The following NEK11 variants were observed in gnomAD, a reference collection of about 807,000 sequenced individuals.
The protein encoded by NEK11 is serine/threonine-protein kinase Nek11.
Under a neutral mutation model 80.7 loss-of-function variants are expected in NEK11, and 72 were observed. That is an observed-to-expected ratio of 0.89 (90% CI 0.74 to 1.08). The LOEUF is 1.08. Ranked by LOEUF, NEK11 falls within the 50% of genes least tolerant of loss-of-function variation. The pLI, the probability that NEK11 is intolerant of heterozygous loss-of-function variation, is 0.00. For synonymous variants in NEK11, 251 were observed against 260.7 expected (o/e 0.96, Z 0.36); for missense variants, 764 against 763.6 (o/e 1.00, Z -0.01).
chr3:131,293,491 A>T (rs1397789596), intron 17 of NEK11, among the ~76,000 whole-genome samples: 1 of 152,102 alleles, frequency 6.6e-6, no homozygotes, highest in Non-Finnish European at 1.5e-5. Flanking sequence ...TTTTATTTGC[A>T]AATATTTTGT....
chr3:131,071,011 G>A lies in NEK11; in HGVS notation c.171-9412G>A, dbSNP rs118190343. The stretch of plus-strand genomic sequence containing the variant: ...ACTGGAAAAGAAGCTGAATATGGGG[G>A]GAACACATTAAGAAAATTTGGTAGC... On this transcript the variant is annotated intron_variant, in intron 3 of 17. Coordinates refer to ENST00000383366, the MANE Select transcript of NEK11 (RefSeq NM_024800.5). Among the ~76,000 whole-genome samples the A allele has an allele frequency of 2.1e-3, 313 of 152,256 alleles. 5 individuals are homozygous for A. Among genetic ancestry groups the A allele is most frequent in the Admixed American group, 0.017 (264 of 15,282 alleles).
chr3:131,322,371 C>A (rs2109767012), intron 17 of NEK11, among the ~76,000 whole-genome samples: 1 of 152,164 alleles, frequency 6.6e-6, no homozygotes, highest in Middle Eastern at 3.4e-3. Context: ...CCATTCATAT[C>A]CCAAACCTCA....
intron 3 of NEK11, among the ~76,000 whole-genome samples, chr3:131,046,178 C>G (rs1314124749): frequency 4.6e-5 from 7 of 151,916 alleles, no homozygotes; most frequent in Non-Finnish European, 1.0e-4. Flanking sequence ...TTTATTTTTT[C>G]ATTGTTTTTG....
intron 17 of NEK11, among the ~76,000 whole-genome samples, chr3:131,344,067 A>G (rs1269854016): frequency 6.6e-6 from 1 of 152,196 alleles, no homozygotes; most frequent in Non-Finnish European, 1.5e-5. Flanking sequence ...CAAATTTTCC[A>G]AACTTTTATG....
chr3:131,309,137 G>A (rs768024600), intron 17 of NEK11, among the ~76,000 whole-genome samples: 3 of 152,162 alleles, frequency 2.0e-5, no homozygotes, highest in African/African-American at 4.8e-5. Flanking sequence ...CTGCTCGAAC[G>A]CACTAGGTGA....
intron 3 of NEK11, chr3:131,053,881 T>G (rs2068859328): frequency 6.6e-6 from 1 of 152,212 alleles, no homozygotes; most frequent in Admixed American, 6.5e-5. Context: ...CATACCAAAA[T>G]TCAATACAAT....
At chr3:131,316,582 C>G (rs936766057) in intron 17 of NEK11, among the ~76,000 whole-genome samples, 1 of 152,198 alleles carries the variant, frequency 6.6e-6, no homozygotes, top group Non-Finnish European at 1.5e-5. Flanking sequence ...AGGCTCCAAG[C>G]CTGAGCTCCT....
At chr3:131,345,654 C>A (rs1179691999) in intron 17 of NEK11, among the ~76,000 whole-genome samples, 2 of 152,148 alleles carry the variant, frequency 1.3e-5, no homozygotes, top group Non-Finnish European at 2.9e-5. Flanking sequence ...AGTATAACTA[C>A]CAATGACCCA....
intron 5 of NEK11, among the ~76,000 whole-genome samples, chr3:131,115,791 TG>T (rs1469746560): frequency 6.6e-6 from 1 of 152,140 alleles, no homozygotes; most frequent in Non-Finnish European, 1.5e-5. Flanking sequence ...AGAACAGGGC[TG>T]GGCACTTACT....
intron 7 of NEK11, among the ~76,000 whole-genome samples, chr3:131,148,567 T>G (rs192223745): frequency 1.6e-3 from 236 of 152,094 alleles, no homozygotes; most frequent in Middle Eastern, 3.4e-3. Context: ...GTTGTTGTGC[T>G]GAAAATACAT....
At chr3:131,348,112 T>C (rs1023511171) in intron 17 of NEK11, among the ~76,000 whole-genome samples, 2 of 152,150 alleles carry the variant, frequency 1.3e-5, no homozygotes. Flanking sequence ...CAGAGAAAAG[T>C]GCAGAAACCA....
At chr3:131,031,725 C>G (rs1402739815) in intron 3 of NEK11, among the ~76,000 whole-genome samples, 2 of 151,986 alleles carry the variant, frequency 1.3e-5, no homozygotes, top group South Asian at 4.2e-4. Flanking sequence ...TTTCTTGTAC[C>G]TGAACCAATC....
In NEK11 at chr3:131,274,948, C is replaced by G. The variant is rs530082655; in HGVS notation, c.1718+1374C>G. On this transcript the variant is annotated intron_variant, in intron 17 of 17. Transcript: ENST00000383366. ...GATTACAGGCGTGAGCCACCGCGCCCGGCCGTTTCCTGACTTTTTAATGAT... is the reference window on the plus strand; with the variant it reads ...GATTACAGGCGTGAGCCACCGCGCCGGGCCGTTTCCTGACTTTTTAATGAT... Among the ~76,000 whole-genome samples, 365 of 151,688 alleles carry G rather than the reference C, an allele frequency of 2.4e-3. 2 individuals carry two copies. Among genetic ancestry groups the G allele is most frequent in the African/African-American group, 8.3e-3 (346 of 41,482 alleles).
intron 4 of NEK11, among the ~76,000 whole-genome samples, chr3:131,097,585 TG>T (rs2149227078): frequency 6.6e-6 from 1 of 152,320 alleles, no homozygotes; most frequent in Non-Finnish European, 1.5e-5. Flanking sequence ...TGGGGTTGTT[TG>T]TTTTTTTCTT....
At chr3:131,343,320 A>G (rs1373074870) in intron 17 of NEK11, among the ~76,000 whole-genome samples, 1 of 152,202 alleles carries the variant, frequency 6.6e-6, no homozygotes, top group African/African-American at 2.4e-5. Context: ...CAGAGCACTC[A>G]GGTAGAGTTT....
rs575349498 is a variant in NEK11, at chr3:131,118,413, A to G, written c.455+8492A>G. On this transcript the variant is annotated intron_variant, in intron 5 of 17. Transcript: ENST00000383366. Reference sequence around the variant, plus strand: ...GAGGATTTTTGCATCGATGTTCCTCAGGGATATTGGTCTAAAATTCTCTTT... The same window carrying G: ...GAGGATTTTTGCATCGATGTTCCTCGGGGATATTGGTCTAAAATTCTCTTT... Among the ~76,000 whole-genome samples the G allele has an allele frequency of 1.6e-4, 25 of 152,300 alleles. No individual in the cohort carries two copies. In the East Asian group the frequency reaches 3.7e-3, roughly 22 times the overall value.
intron 14 of NEK11, among the ~76,000 whole-genome samples, chr3:131,223,067 C>G (rs145585018): frequency 6.6e-6 from 1 of 152,282 alleles, no homozygotes; most frequent in African/African-American, 2.4e-5. Flanking sequence ...TGGAATGCCA[C>G]TCCAGTATAC....
chr3:131,118,810 G>T (rs2081799558), intron 5 of NEK11, among the ~76,000 whole-genome samples: 1 of 152,032 alleles, frequency 6.6e-6, no homozygotes, highest in Non-Finnish European at 1.5e-5. Context: ...TGTGGGATCG[G>T]TGGTGATATC....
intron 4 of NEK11, among the ~76,000 whole-genome samples, chr3:131,099,323 T>C (rs1430448274): frequency 1.3e-5 from 2 of 152,118 alleles, no homozygotes; most frequent in Non-Finnish European, 2.9e-5. Flanking sequence ...TAGCTACTGG[T>C]TTATGGGTCT....
Sources: allele counts gnomAD v4.1 joint callset (sites outside exome capture counted in the v4.1 genomes callset), GRCh38; gene constraint gnomAD v4.1.1; transcripts MANE v1.5; gene names NCBI Gene and HGNC (gene_info 2026-07-23, HGNC 2026-07-21).